UTS2: variants seen among roughly 807,000 people sequenced by gnomAD.
The protein encoded by UTS2 is urotensin 2.
In UTS2, 10 loss-of-function variants were observed where a neutral mutation model predicts 12.6. That is an observed-to-expected ratio of 0.80 (90% CI 0.49 to 1.35). The LOEUF is 1.35. UTS2 is among the 40% of genes most tolerant of loss of function. The pLI is 0.00. For synonymous variants in UTS2, 52 were observed against 50.0 expected (o/e 1.04, Z -0.17); for missense variants, 142 against 143.2 (o/e 0.99, Z 0.04).
the UTS2 span, among the ~76,000 whole-genome samples, chr1:7,910,893 C>T: frequency 1.5e-3 from 233 of 152,164 alleles, 1 homozygote; most frequent in African/African-American, 3.6e-3. Flanking sequence ...TGAGCCACTA[C>T]GCCAGGCTAA....
At chr1:7,866,394 A>C in the UTS2 span, among the ~76,000 whole-genome samples, 2 of 152,148 alleles carry the variant, frequency 1.3e-5, no homozygotes, top group Non-Finnish European at 2.9e-5. The surrounding 1 kb of genome is among the most constrained non-coding windows in gnomAD (Gnocchi z 4.5). Flanking sequence ...ATGAAACAGC[A>C]CTCAGAAAGC....
the UTS2 span, among the ~76,000 whole-genome samples, chr1:7,873,029 T>C: frequency 6.6e-6 from 1 of 152,172 alleles, no homozygotes; most frequent in Admixed American, 6.5e-5. Context: ...CTAAATCTAC[T>C]CTCCCTGTGC....
the UTS2 span, among the ~76,000 whole-genome samples, chr1:7,903,392 A>T: frequency 0.34 from 40,875 of 120,296 alleles, 9,960 homozygotes; most frequent in East Asian, 0.67. Flanking sequence ...TTAATTAATT[A>T]ATTTATTTAT....
rs1578022135 is a variant in UTS2 at position 7,847,795 on chromosome 1, G to T, written c.346C>A (p.Pro116Thr). The T allele has an allele frequency of 6.2e-7, 1 of 1,613,616 alleles. No individual in the cohort carries two copies. Among genetic ancestry groups the T allele is most frequent in the Non-Finnish European group, 8.5e-7 (1 of 1,179,752 alleles). ...IWKPYKKRET[P>T]DCFWKYCV ...ACACAGTATTTCCAGAAGCAATCAG[G>T]AGTCTCACGTTTCTTGTATGGTTTC... Residue 116 changes from proline to threonine, a missense_variant, in exon 4 of 4, where the codon CCT becomes ACT. Coordinates refer to ENST00000361696, the MANE Select transcript of UTS2 (RefSeq NM_006786.4).
At chr1:7,884,069 C>G in the UTS2 span, among the ~76,000 whole-genome samples, 2 of 152,104 alleles carry the variant, frequency 1.3e-5, no homozygotes, top group African/African-American at 4.8e-5. Flanking sequence ...CTGCCTTGGC[C>G]TCCCAAAGGG....
chr1:7,904,200 G>T, the UTS2 span, among the ~76,000 whole-genome samples: 1 of 151,798 alleles, frequency 6.6e-6, no homozygotes, highest in Admixed American at 6.6e-5. Flanking sequence ...AGTAAAGATG[G>T]CCGAGCACAT....
the UTS2 span, among the ~76,000 whole-genome samples, chr1:7,863,297 G>T: frequency 6.6e-6 from 1 of 151,980 alleles, no homozygotes; most frequent in Non-Finnish European, 1.5e-5. Context: ...TTTTAGTAGA[G>T]ACAGGGTTTC....
At chr1:7,862,371 A>ATACCT in the UTS2 span, among the ~76,000 whole-genome samples, 8 of 151,970 alleles carry the variant, frequency 5.3e-5, no homozygotes, top group South Asian at 1.7e-3. Context: ...CTGTAAGAGA[A>ATACCT]TACCTGAGGA....
the UTS2 span, among the ~76,000 whole-genome samples, chr1:7,894,541 A>G: frequency 2.0e-5 from 3 of 152,068 alleles, no homozygotes; most frequent in Non-Finnish European, 4.4e-5. Context: ...TGGCCAGTGC[A>G]CTAAGGACAA....
chr1:7,856,404 C>T (rs1638309711), upstream of UTS2, among the ~76,000 whole-genome samples: 1 of 152,090 alleles, frequency 6.6e-6, no homozygotes, highest in South Asian at 2.1e-4. Flanking sequence ...CAGACAGGGC[C>T]CTCGGGATGC....
chr1:7,854,300 C>T (rs28893508), upstream of UTS2, among the ~76,000 whole-genome samples: 19,900 of 149,832 alleles, frequency 0.13, 1,416 homozygotes, highest in Middle Eastern at 0.25. Context: ...GCCAAGATTG[C>T]GCCACAGCAG....
chr1:7,864,342 C>G, the UTS2 span, among the ~76,000 whole-genome samples: 1 of 152,166 alleles, frequency 6.6e-6, no homozygotes, highest in African/African-American at 2.4e-5. Flanking sequence ...AAAGAAGCAG[C>G]CTCCAGGCCT....
At chr1:7,884,958 C>T in the UTS2 span, among the ~76,000 whole-genome samples, 1 of 151,510 alleles carries the variant, frequency 6.6e-6, no homozygotes, top group Non-Finnish European at 1.5e-5. Context: ...TCCATCCATC[C>T]ATATGCCCAT....
chr1:7,885,460 A>G, the UTS2 span, among the ~76,000 whole-genome samples: 103,154 of 152,002 alleles, frequency 0.68, 36,254 homozygotes, highest in African/African-American at 0.84. Context: ...TGGCCCCGGT[A>G]TAGGCCGGCC....
chr1:7,847,868 A>G lies in UTS2; in HGVS notation c.273T>C (p.Ser91=). The G allele has an allele frequency of 4.3e-6, 7 of 1,611,292 alleles. No individual in the cohort carries two copies. Among genetic ancestry groups the G allele is most frequent in the Middle Eastern group, 1.7e-4 (1 of 6,054 alleles). The part of the protein sequence containing the change: ...RGNLRKFQDF[S]GQDPNILLSH... The stretch of plus-strand genomic sequence containing the variant: ...TCAGTAAAATGTTAGGATCTTGTCC[A>G]GAGAAATCCTGAAACTAAAACAATC... The change falls in exon 4 of 4, where the codon TCT becomes TCC. Residue 91 remains serine, a synonymous_variant. Transcript: ENST00000361696.
the UTS2 span, among the ~76,000 whole-genome samples, chr1:7,858,859 C>T: frequency 1.1e-4 from 17 of 152,166 alleles, no homozygotes; most frequent in African/African-American, 3.4e-4. Context: ...GATGGGATTA[C>T]AGTGTGAGCC....
At chr1:7,887,438 C>A in the UTS2 span, among the ~76,000 whole-genome samples, 28 of 152,086 alleles carry the variant, frequency 1.8e-4, no homozygotes, top group Admixed American at 5.9e-4. Flanking sequence ...GGATGAAATT[C>A]TTTTTCCCAA....
the UTS2 span, among the ~76,000 whole-genome samples, chr1:7,884,266 T>C: frequency 6.6e-6 from 1 of 152,092 alleles, no homozygotes; most frequent in Non-Finnish European, 1.5e-5. Context: ...ACATGTTTTC[T>C]GTGTGATACA....
chr1:7,890,902 GAA>G, the UTS2 span, among the ~76,000 whole-genome samples: 1 of 143,342 alleles, frequency 7.0e-6, no homozygotes, highest in Admixed American at 7.0e-5. Context: ...TGAGAGAAAA[GAA>G]AACACTTCCC....
Sources: gnomAD v4.1 joint callset for allele counts (sites outside exome capture counted in the v4.1 genomes callset) on GRCh38, gnomAD v4.1.1 for gene constraint, Gnocchi (gnomAD v3.1) non-coding constraint, MANE v1.5 for transcripts, NCBI Gene and HGNC (gene_info 2026-07-23, HGNC 2026-07-21) for gene names.